Variants in ACKR3 observed in about 807,000 individuals in gnomAD.
ACKR3 encodes the protein C-X-C chemokine receptor type 7.
In ACKR3, 6 loss-of-function variants were observed where a neutral mutation model predicts 22.4. The ratio of observed to expected loss-of-function variants is 0.27; its 90% CI spans 0.15 to 0.53. The LOEUF (loss-of-function observed/expected upper bound fraction) is 0.53, where lower values mean the gene tolerates loss of function less well. Among genes scored for constraint, ACKR3 ranks in the 20% least tolerant of loss-of-function variants. The pLI is 0.96. For synonymous variants in ACKR3, 209 were observed against 205.2 expected (o/e 1.02, Z -0.16); for missense variants, 396 against 475.2 (o/e 0.83, Z 1.55).
At position 236,571,555 on chromosome 2, in the gene ACKR3, C is replaced by T. The variant is rs77097591; in HGVS notation, c.-27+1631C>T. Among the ~76,000 whole-genome samples, 306 of 136,966 alleles carry T rather than the reference C, an allele frequency of 2.2e-3. 1 individual carries two copies. The highest frequency in any genetic ancestry group is 3.2e-3 in the Non-Finnish European group (214 of 66,014). The allele number at this position is 136,966 out of a possible 152,430, so 89.9% of individuals were successfully genotyped here. On this transcript the variant is annotated intron_variant, in intron 1 of 1. Transcript: ENST00000272928. ...CCGTATTAACAGCAAGTCGTTGAAG[C>T]GTTGAGAAGGTATTATGATTTCTAA...
chr2:236,568,670 T>TA (rs2106496967), upstream of ACKR3, among the ~76,000 whole-genome samples: 1 of 152,360 alleles, frequency 6.6e-6, no homozygotes, highest in Non-Finnish European at 1.5e-5. Flanking sequence ...CTAAACAAAA[T>TA]ATTTCTTTCG....
the ACKR3 span, among the ~76,000 whole-genome samples, chr2:236,559,127 T>C: frequency 6.6e-6 from 1 of 152,246 alleles, no homozygotes; most frequent in South Asian, 2.1e-4. Flanking sequence ...TATACTCTCA[T>C]GGCAAAAGTT....
chr2:236,580,079 G>A (rs1026168784), intron 1 of ACKR3, among the ~76,000 whole-genome samples: 3 of 152,202 alleles, frequency 2.0e-5, no homozygotes, highest in Non-Finnish European at 2.9e-5. Context: ...CATCAGCATC[G>A]CGGTGGCCGG....
Position 236,569,900 on chromosome 2 carries a change from C to T in ACKR3, c.-51C>T. The T allele has an allele frequency of 6.5e-6, 1 of 152,964 alleles. No individual in the cohort carries two copies. Among genetic ancestry groups the T allele is most frequent in the Non-Finnish European group, 1.5e-5 (1 of 68,576 alleles). The allele number at this position is 152,964 out of a possible 1,614,324, so 9.5% of individuals were successfully genotyped here. A position where few individuals can be genotyped will look rare whatever the true frequency, so the allele number is the denominator to read the frequency against. On this transcript the variant is annotated 5_prime_UTR_variant, in exon 1 of 2. Transcript: ENST00000272928. ...CAGGAAGGCGAGCGAGCCCAGCCAG[C>T]CCAGCCAGCCCAGCCAGCCCGGAGG...
At chr2:236,566,381 C>T (rs1411425263), upstream of ACKR3, among the ~76,000 whole-genome samples, 1 of 152,208 alleles carries the variant, frequency 6.6e-6, no homozygotes, top group Non-Finnish European at 1.5e-5. Context: ...CGTGCCTTCT[C>T]TGAGTTTTCT....
intron 1 of ACKR3, among the ~76,000 whole-genome samples, chr2:236,579,740 G>A (rs774365441): frequency 1.1e-4 from 16 of 152,294 alleles, no homozygotes; most frequent in Non-Finnish European, 1.6e-4. Context: ...GTTGCCCTTC[G>A]TTGAAAACCA....
the ACKR3 span, among the ~76,000 whole-genome samples, chr2:236,544,115 G>A: frequency 5.3e-4 from 79 of 149,930 alleles, no homozygotes; most frequent in Non-Finnish European, 4.9e-4. This position sits in a 1 kb window ranked among gnomAD's most constrained non-coding sequence, Gnocchi z 5.0. Flanking sequence ...TCAGCCTCCC[G>A]AGTAGCTGGA....
chr2:236,551,375 T>C, the ACKR3 span, among the ~76,000 whole-genome samples: 3 of 152,178 alleles, frequency 2.0e-5, no homozygotes, highest in Non-Finnish European at 4.4e-5. Flanking sequence ...TCCAGCCTTG[T>C]GGCTGCAGGA....
the ACKR3 span, among the ~76,000 whole-genome samples, chr2:236,548,388 A>G: frequency 6.6e-6 from 1 of 152,230 alleles, no homozygotes; most frequent in Admixed American, 6.5e-5. This position sits in a 1 kb window ranked among gnomAD's most constrained non-coding sequence, Gnocchi z 4.3. Context: ...TTTTTGGACC[A>G]CAAAGATGTT....
chr2:236,581,387 T>G lies in ACKR3; in HGVS notation c.922T>G (p.Cys308Gly). 1 of 1,614,150 alleles carries G rather than the reference T, an allele frequency of 6.2e-7. No individual in the cohort carries two copies. Among genetic ancestry groups the G allele is most frequent in the South Asian group, 1.1e-5 (1 of 91,080 alleles). ...CACACAGTGCCTGTCGCTGGTGCAC[T>G]GCTGCGTCAACCCTGTCCTCTACAG... ...HVTQCLSLVHCCVNPVLYSFI... is the reference protein window; with the variant it reads ...HVTQCLSLVHGCVNPVLYSFI... Residue 308 changes from cysteine (C) to glycine (G), a missense_variant, in exon 2 of 2, where the codon TGC (cysteine) becomes GGC (glycine). Physicochemically the swap from Cys to Gly is radical, Grantham distance 159. Transcript: ENST00000272928. The surrounding 1 kb of genome is among the most constrained non-coding windows in gnomAD (Gnocchi z 4.4).
At chr2:236,576,763 G>T (rs1481761164) in intron 1 of ACKR3, among the ~76,000 whole-genome samples, 2 of 152,212 alleles carry the variant, frequency 1.3e-5, no homozygotes, top group African/African-American at 4.8e-5. Context: ...TTGAATAAGG[G>T]GATTGTCTTT....
At chr2:236,543,687 T>C in the ACKR3 span, among the ~76,000 whole-genome samples, 3 of 151,900 alleles carry the variant, frequency 2.0e-5, no homozygotes, top group Non-Finnish European at 4.4e-5. Context: ...CACATTTTAA[T>C]GGAGTCACTA....
chr2:236,545,191 G>T, the ACKR3 span, among the ~76,000 whole-genome samples: 1 of 152,184 alleles, frequency 6.6e-6, no homozygotes, highest in South Asian at 2.1e-4. The surrounding 1 kb of genome is among the most constrained non-coding windows in gnomAD (Gnocchi z 5.3). Context: ...CATGTGGCTG[G>T]GAGGGCTTCT....
chr2:236,561,951 T>C, the ACKR3 span, among the ~76,000 whole-genome samples: 1 of 152,260 alleles, frequency 6.6e-6, no homozygotes, highest in Non-Finnish European at 1.5e-5. Context: ...CCAATCCATA[T>C]GGCTTTTATT....
upstream of ACKR3, among the ~76,000 whole-genome samples, chr2:236,567,999 AG>A (rs1302516815): frequency 6.6e-6 from 1 of 152,020 alleles, no homozygotes; most frequent in Non-Finnish European, 1.5e-5. Flanking sequence ...CTGGCGGGGC[AG>A]GGCGCAGGCT....
rs1359329713 is a variant in ACKR3, at chr2:236,574,336, T to C, written c.-27+4412T>C. The stretch of plus-strand genomic sequence containing the variant: ...GTGCAGCTGTAGCTGTATAGCTGTA[T>C]AGCTGTAGCTACACAAAGTTACAGA... On this transcript the variant is annotated intron_variant, in intron 1 of 1. Transcript: ENST00000272928. This position sits in a 1 kb window ranked among gnomAD's most constrained non-coding sequence, Gnocchi z 5.6. 6.6e-6 allele frequency among the ~76,000 whole-genome samples: 1 copy of C among 152,050 alleles called. No individual in the cohort carries two copies. Among genetic ancestry groups the C allele is most frequent in the East Asian group, 1.9e-4 (1 of 5,192 alleles).
At chr2:236,579,925 AT>A in intron 1 of ACKR3, among the ~76,000 whole-genome samples, 1 of 152,218 alleles carries the variant, frequency 6.6e-6, no homozygotes, top group Non-Finnish European at 1.5e-5. Context: ...ATAAATGCAA[AT>A]TTGGAGGAGG....
At chr2:236,538,509 C>A in the ACKR3 span, among the ~76,000 whole-genome samples, 2 of 152,106 alleles carry the variant, frequency 1.3e-5, no homozygotes, top group African/African-American at 4.8e-5. Flanking sequence ...CTGAGGAGTC[C>A]CTTGGAGAAA....
Position 236,580,933 on chromosome 2 carries a change from G to T in ACKR3, c.468G>T (p.Arg156Ser). The part of the protein sequence containing the change: ...ITYFTNTPSS[R>S]KKMVRRVVCI... Reference sequence around the variant, plus strand: ...ACTTCACCAACACCCCCAGCAGCAGGAAGAAGATGGTACGCCGTGTCGTCT... The same window carrying T: ...ACTTCACCAACACCCCCAGCAGCAGTAAGAAGATGGTACGCCGTGTCGTCT... Residue 156 changes from arginine to serine, a missense_variant, in exon 2 of 2, where the codon AGG becomes AGT. Transcript: ENST00000272928. 1 of 1,614,198 alleles carries T rather than the reference G, an allele frequency of 6.2e-7. No individual in the cohort carries two copies. Among genetic ancestry groups the T allele is most frequent in the Non-Finnish European group, 8.5e-7 (1 of 1,180,044 alleles).
Sources: allele counts gnomAD v4.1 joint callset (sites outside exome capture counted in the v4.1 genomes callset), GRCh38; gene constraint gnomAD v4.1.1; non-coding constraint Gnocchi (gnomAD v3.1); transcripts MANE v1.5; gene names NCBI Gene and HGNC (gene_info 2026-07-23, HGNC 2026-07-21).